The following FBRSL1 variants were observed in gnomAD, a reference collection of about 807,000 sequenced individuals.
The protein encoded by FBRSL1 is fibrosin like 1, also known as fibrosin-1-like protein.
FBRSL1 carries 51 observed loss-of-function variants against 89.6 expected under a neutral mutation model. That is an observed-to-expected ratio of 0.57 (90% CI 0.45 to 0.72). The LOEUF (loss-of-function observed/expected upper bound fraction) is 0.72. Among genes scored for constraint, FBRSL1 ranks in the 30% least tolerant of loss-of-function variants. The pLI, the probability that FBRSL1 is intolerant of heterozygous loss-of-function variation, is 0.00. For missense variants in FBRSL1, 1,618 were observed against 1,451.8 expected, an observed-to-expected ratio of 1.11 and a Z score of -1.86; for synonymous variants, 779 against 681.1, an observed-to-expected ratio of 1.14 and a Z score of -2.24.
In FBRSL1 at chr12:132,510,925, G is replaced by A. The variant is rs980294654; in HGVS notation, c.489+2575G>A. The A allele has an allele frequency of 9.2e-5, 92 of 997,676 alleles. No individual in the cohort carries two copies. The African/African-American group carries it at 1.3e-3, about 14-fold the overall frequency. The allele number at this position is 997,676 out of a possible 1,614,324, so 61.8% of individuals were successfully genotyped here. On this transcript the variant is annotated intron_variant, in intron 2 of 18. Transcript: ENST00000680143. ...CCCTGGCGTGCCACCTGTGCGGAGC[G>A]CGTGAGCCTGGTGTGTGCGTGCTGT...
chr12:132,577,778 G>A (rs978214690), intron 15 of FBRSL1, among the ~76,000 whole-genome samples: 5 of 152,248 alleles, frequency 3.3e-5, no homozygotes, highest in African/African-American at 4.8e-5. Flanking sequence ...AAGTGGGCTC[G>A]AAGTTCAACC....
At position 132,490,639 on chromosome 12, in the gene FBRSL1, C is replaced by T. The variant is rs1336945236; in HGVS notation, c.69C>T (p.Ala23=). 1.3e-5 allele frequency: 13 copies of T among 983,612 alleles called. No individual in the cohort carries two copies. Among genetic ancestry groups the T allele is most frequent in the African/African-American group, 3.5e-5 (2 of 56,588 alleles). The allele number at this position is 983,612 out of a possible 1,614,324, so 60.9% of individuals were successfully genotyped here. ...GGGACCGTGGCCGGCGCCGGGAGGCCGCCCGCGACGCCCGCGCCCAGAGTC... is the reference window on the plus strand; with the variant it reads ...GGGACCGTGGCCGGCGCCGGGAGGCTGCCCGCGACGCCCGCGCCCAGAGTC... ...AQRDRGRRRE[A]ARDARAQSPS... The change falls in exon 1 of 19, where the codon GCC becomes GCT. Residue 23 remains alanine, a synonymous_variant. Coordinates refer to ENST00000680143, the MANE Select transcript of FBRSL1 (RefSeq NM_001367871.1).
In FBRSL1 at chr12:132,583,422, TACCGCG is replaced by T; in HGVS notation, c.2661_2666del (p.Asp887_Arg888del). 9.3e-7 allele frequency: 1 copy of T among 1,074,762 alleles called. No individual in the cohort carries two copies. The highest frequency in any genetic ancestry group is 1.1e-6 in the Non-Finnish European group (1 of 887,146). The allele number at this position is 1,074,762 out of a possible 1,614,324, so 66.6% of individuals were successfully genotyped here. ...CCTCTTGGAGCCCCCGGAGCGCCCC[TACCGCG>T]ACCGCGAGCCCCACGGCTACAGCCC... On this transcript the variant is annotated inframe_deletion, in exon 19 of 19. Coordinates refer to ENST00000680143, the MANE Select transcript of FBRSL1 (RefSeq NM_001367871.1).
intron 3 of FBRSL1, among the ~76,000 whole-genome samples, chr12:132,526,167 C>T (rs922567617): frequency 6.6e-6 from 1 of 152,252 alleles, no homozygotes; most frequent in Non-Finnish European, 1.5e-5. Context: ...AACGTTAAGC[C>T]TTGGACGCTG....
chr12:132,579,882 G>A (rs2040625574), intron 15 of FBRSL1, among the ~76,000 whole-genome samples: 1 of 152,124 alleles, frequency 6.6e-6, no homozygotes, highest in Admixed American at 6.6e-5. Context: ...ACTGGGTGTG[G>A]TATTCCTCAA....
At chr12:132,543,232 A>G (rs2037413560) in intron 4 of FBRSL1, among the ~76,000 whole-genome samples, 1 of 152,232 alleles carries the variant, frequency 6.6e-6, no homozygotes, top group African/African-American at 2.4e-5. Context: ...CCTCCGACTC[A>G]GAAGCCCCAT....
intron 15 of FBRSL1, among the ~76,000 whole-genome samples, chr12:132,579,834 C>T (rs749387583): frequency 3.9e-5 from 6 of 152,216 alleles, no homozygotes; most frequent in Non-Finnish European, 5.9e-5. Flanking sequence ...GGCTTGGAGG[C>T]TCACAGTTCA....
In FBRSL1 at chr12:132,505,425, C is replaced by T. The variant is rs1174266252; in HGVS notation, c.292-2728C>T. 2.0e-5 allele frequency among the ~76,000 whole-genome samples: 3 copies of T among 152,174 alleles called. No homozygotes were observed. The East Asian group carries it at 5.8e-4, about 29-fold the overall frequency. ...CAGGGCACGCACTGTCCCTCAGTCCCTGGGGACTGCCCCCCGTCTGGCCTG... is the reference window on the plus strand; with the variant it reads ...CAGGGCACGCACTGTCCCTCAGTCCTTGGGGACTGCCCCCCGTCTGGCCTG... On this transcript the variant is annotated intron_variant, in intron 1 of 18. Transcript: ENST00000680143.
Position 132,583,683 on chromosome 12 carries a change from C to T in FBRSL1, c.2914C>T (p.Pro972Ser). 1 of 1,146,302 alleles carries T rather than the reference C, an allele frequency of 8.7e-7. No homozygotes were observed. Among genetic ancestry groups the T allele is most frequent in the Non-Finnish European group, 1.1e-6 (1 of 932,856 alleles). The allele number at this position is 1,146,302 out of a possible 1,614,324, so 71.0% of individuals were successfully genotyped here. A position where few individuals can be genotyped will look rare whatever the true frequency, so the allele number is the denominator to read the frequency against. Residue 972 changes from proline (P) to serine (S), a missense_variant, in exon 19 of 19, where the codon CCG becomes TCG. Pro to Ser is a moderately conservative substitution (Grantham distance 74). Coordinates refer to ENST00000680143, the MANE Select transcript of FBRSL1 (RefSeq NM_001367871.1). ...CGGGCCCCCCACGCCCCCCGGGCCG[C>T]CGCGGAGCCGGACTACTCCGCTGGG... is the stretch of plus-strand genomic sequence containing the variant. ...AAGPPTPPGP[P>S]RSRTTPLGGL...
chr12:132,527,586 G>T (rs954632191), intron 3 of FBRSL1, among the ~76,000 whole-genome samples: 3 of 151,634 alleles, frequency 2.0e-5, no homozygotes, highest in African/African-American at 7.3e-5. Flanking sequence ...GTTGAGGGCT[G>T]CGGGGCTGCG....
chr12:132,564,651 ACG>A (rs2039444533), intron 5 of FBRSL1, among the ~76,000 whole-genome samples: 1 of 102,958 alleles, frequency 9.7e-6, no homozygotes, highest in Non-Finnish European at 1.8e-5. Context: ...GCCCGCCACC[ACG>A]CCCGGCTAAT....
chr12:132,527,397 G>T (rs545501240), intron 3 of FBRSL1, among the ~76,000 whole-genome samples: 2 of 152,354 alleles, frequency 1.3e-5, no homozygotes, highest in East Asian at 3.9e-4. Flanking sequence ...TCCCAGAGCT[G>T]CTGCAGGGGA....
chr12:132,509,288 G>A (rs530248477), intron 2 of FBRSL1: 30 of 1,252,346 alleles, frequency 2.4e-5, no homozygotes, highest in South Asian at 2.0e-4. Flanking sequence ...TCCCAGCCCC[G>A]TCGGCACTCC....
chr12:132,556,993 C>T (rs2038731567), intron 5 of FBRSL1, among the ~76,000 whole-genome samples: 1 of 152,214 alleles, frequency 6.6e-6, no homozygotes, highest in Admixed American at 6.5e-5. Flanking sequence ...GCTCGGCTAA[C>T]CATGGCCGAA....
intron 2 of FBRSL1, chr12:132,510,422 C>G: frequency 4.9e-6 from 6 of 1,232,112 alleles, no homozygotes; most frequent in Non-Finnish European, 5.1e-6. Flanking sequence ...CCCGTCAGGC[C>G]CCATCTGTGA....
intron 6 of FBRSL1, among the ~76,000 whole-genome samples, chr12:132,569,326 G>C (rs1173038846): frequency 6.6e-6 from 1 of 152,100 alleles, no homozygotes; most frequent in African/African-American, 2.4e-5. Context: ...CGGGTGACGG[G>C]CAGTCACAGT....
At chr12:132,574,944 A>T (rs2040282497) in intron 14 of FBRSL1, among the ~76,000 whole-genome samples, 1 of 151,808 alleles carries the variant, frequency 6.6e-6, no homozygotes, top group African/African-American at 2.4e-5. Flanking sequence ...TTCAGCAGTG[A>T]CCCAGGGGGA....
chr12:132,582,881 G>A (rs2040876130), intron 18 of FBRSL1, 90 bp from the exon 19 acceptor site: 1 of 1,100,964 alleles, frequency 9.1e-7, no homozygotes, highest in African/African-American at 1.7e-5. Context: ...AGAAACTGGA[G>A]GCCCCGACAA....
intron 14 of FBRSL1, among the ~76,000 whole-genome samples, chr12:132,575,659 G>A (rs2040338279): frequency 6.6e-6 from 1 of 152,244 alleles, no homozygotes; most frequent in Non-Finnish European, 1.5e-5. Context: ...TTTTGTCCTT[G>A]GAACTCGGGG....
Sources: allele counts gnomAD v4.1 joint callset (sites outside exome capture counted in the v4.1 genomes callset), GRCh38; gene constraint gnomAD v4.1.1; transcripts MANE v1.5; gene names NCBI Gene and HGNC (gene_info 2026-07-23, HGNC 2026-07-21).